Variants in RAG1 observed in about 807,000 individuals in gnomAD.
RAG1 encodes the protein recombination activating 1, also known as V(D)J recombination-activating protein 1.
RAG1 carries 35 observed loss-of-function variants against 62.7 expected under a neutral mutation model. That is an observed-to-expected ratio of 0.56 (90% CI 0.43 to 0.74). The LOEUF (loss-of-function observed/expected upper bound fraction) is 0.74, where lower values mean the gene tolerates loss of function less well. Among genes scored for constraint, RAG1 ranks in the 30% least tolerant of loss-of-function variants. The pLI is 0.00. For synonymous variants in RAG1, 461 were observed against 470.3 expected, an observed-to-expected ratio of 0.98 and a Z score of 0.26; for missense variants, 1,169 against 1,278.6, an observed-to-expected ratio of 0.91 and a Z score of 1.31.
At position 36,551,616 on chromosome 11, in the gene RAG1, T is replaced by A. The variant is rs1178218817; in HGVS notation, c.-411-11769T>A. Among the ~76,000 whole-genome samples the A allele has an allele frequency of 2.1e-5, 3 of 144,090 alleles. No individual in the cohort carries two copies. The Admixed American group carries it at 2.2e-4, about 10-fold the overall frequency. The allele number at this position is 144,090 out of a possible 152,430, so 94.5% of individuals were successfully genotyped here. A position where few individuals can be genotyped will look rare whatever the true frequency, so the allele number is the denominator to read the frequency against. The stretch of plus-strand genomic sequence containing the variant: ...TTAATTACTTCTTTTTTTTTTTTTT[T>A]TTTATTATACTCTAAGTTTTAGGGT... On this transcript the variant is annotated intron_variant and NMD_transcript_variant, in intron 3 of 9. Coordinates refer to the RAG1 transcript ENST00000534663.
At chr11:36,512,047 AG>A (rs1379049885) in intron 1 of RAG1, among the ~76,000 whole-genome samples, 1 of 152,208 alleles carries the variant, frequency 6.6e-6, no homozygotes, top group Non-Finnish European at 1.5e-5. Context: ...AGTGCCCTCA[AG>A]GGGCCTTTTC....
downstream of RAG1, among the ~76,000 whole-genome samples, chr11:36,539,607 C>T (rs1205657455): frequency 6.6e-6 from 1 of 152,176 alleles, no homozygotes; most frequent in Non-Finnish European, 1.5e-5. Context: ...GCCTCAGCCT[C>T]CAGAGTGGCT....
In RAG1 at chr11:36,573,455, G is replaced by T. The variant is rs373615697; in HGVS notation, c.151G>T (p.Asp51Tyr). 6.2e-7 allele frequency: 1 copy of T among 1,614,160 alleles called. No homozygotes were observed. The highest frequency in any genetic ancestry group is 2.2e-5 in the East Asian group (1 of 44,872). The change falls in exon 2 of 2, where the codon GAT (aspartate) becomes TAT (tyrosine). Residue 51 changes from aspartate (D) to tyrosine (Y), a missense_variant. Asp to Tyr is a radical substitution (Grantham distance 160). Around this residue, in one of 2 missense-constraint regions of RAG1, gnomAD observed 369 missense variants for 335.3 expected, o/e 1.10. Coordinates refer to ENST00000299440, the MANE Select transcript of RAG1 (RefSeq NM_000448.3). ...TPEEAQKEKKDSFEGKPSLEQ... is the reference protein window; with the variant it reads ...TPEEAQKEKKYSFEGKPSLEQ... ...TGAAGAAGCTCAAAAGGAAAAGAAG[G>T]ATTCCTTTGAGGGGAAACCCTCTCT...
In RAG1 at chr11:36,578,620, G is replaced by A. The variant is rs1850887526; in HGVS notation, c.*2184G>A. 1 of 166,850 alleles carries A rather than the reference G, an allele frequency of 6.0e-6. No homozygotes were observed. The highest frequency in any genetic ancestry group is 2.4e-5 in the African/African-American group (1 of 41,416). 10.3% of individuals were successfully genotyped at this position (166,850 alleles called of 1,614,324 possible). Reference sequence around the variant, plus strand: ...TAACACTGTAGGAACTATTTTGAATGCATGTGACTAAGAGCATGATTTATA... The same window carrying A: ...TAACACTGTAGGAACTATTTTGAATACATGTGACTAAGAGCATGATTTATA... On this transcript the variant is annotated 3_prime_UTR_variant, in exon 2 of 2. Transcript: ENST00000299440.
chr11:36,523,962 C>T (rs1265771732), intron 2 of RAG1, among the ~76,000 whole-genome samples: 1 of 152,172 alleles, frequency 6.6e-6, no homozygotes. Flanking sequence ...ACCACACCCA[C>T]TCTCTCCTCC....
chr11:36,526,877 C>T (rs1860171503), intron 2 of RAG1, among the ~76,000 whole-genome samples: 1 of 152,224 alleles, frequency 6.6e-6, no homozygotes. Context: ...GCATAGATAT[C>T]TTCTTTTGAG....
chr11:36,546,844 T>C (rs1292320948), intron 3 of RAG1, among the ~76,000 whole-genome samples: 4 of 152,098 alleles, frequency 2.6e-5, no homozygotes, highest in Admixed American at 2.6e-4. Context: ...GAAGCTTAGT[T>C]TGGCCGATTT....
intron 1 of RAG1, among the ~76,000 whole-genome samples, chr11:36,572,089 A>G (rs1850756852): frequency 6.6e-6 from 1 of 152,216 alleles, no homozygotes; most frequent in Non-Finnish European, 1.5e-5. Flanking sequence ...TGTCTCCATA[A>G]CTATGTGACT....
rs575019650 is a variant in RAG1, at chr11:36,521,528, T to C, written n.428+1299T>C. Among the ~76,000 whole-genome samples, 3 of 152,322 alleles carry C rather than the reference T, an allele frequency of 2.0e-5. No individual in the cohort carries two copies. The South Asian group carries it at 6.2e-4, about 32-fold the overall frequency. ...GAGTCCAATAAACCTCCTTCTTTTG[T>C]AAATTGCTCAGTCTTGGGTATACCT... is the stretch of plus-strand genomic sequence containing the variant. On this transcript the variant is annotated intron_variant and non_coding_transcript_variant, in intron 2 of 2. Coordinates refer to the RAG1 transcript ENST00000529126.
intron 1 of RAG1, among the ~76,000 whole-genome samples, chr11:36,570,318 T>TGG (rs1420419466): frequency 6.6e-6 from 1 of 152,250 alleles, no homozygotes; most frequent in African/African-American, 2.4e-5. Context: ...CCTTCATTAA[T>TGG]GCTGAACCAT....
chr11:36,573,874 C>T lies in RAG1; in HGVS notation c.570C>T (p.Ala190=), dbSNP rs1465859179. 6.2e-7 allele frequency: 1 copy of T among 1,614,090 alleles called. No homozygotes were observed. Among genetic ancestry groups the T allele is most frequent in the Admixed American group, 1.7e-5 (1 of 60,004 alleles). Residue 190 remains alanine, a synonymous_variant, in exon 2 of 2, where the codon GCC becomes GCT. Coordinates refer to ENST00000299440, the MANE Select transcript of RAG1 (RefSeq NM_000448.3). ...WSIMHRKFSS[A]PCEVYFPRNV... ...TCATGCACAGGAAGTTTAGCAGTGCCCCATGTGAGGTTTACTTCCCGAGGA... is the reference window on the plus strand; with the variant it reads ...TCATGCACAGGAAGTTTAGCAGTGCTCCATGTGAGGTTTACTTCCCGAGGA...
chr11:36,536,535 T>G (rs1860328744), downstream of RAG1, among the ~76,000 whole-genome samples: 1 of 152,148 alleles, frequency 6.6e-6, no homozygotes, highest in African/African-American at 2.4e-5. Flanking sequence ...TCTTGATTTG[T>G]GTGGTAGTTC....
At chr11:36,571,543 A>G (rs1314709364) in intron 1 of RAG1, among the ~76,000 whole-genome samples, 1 of 152,234 alleles carries the variant, frequency 6.6e-6, no homozygotes, top group Non-Finnish European at 1.5e-5. Flanking sequence ...ATAGTCCTGC[A>G]TAGGGAACAA....
intron 3 of RAG1, among the ~76,000 whole-genome samples, chr11:36,546,711 G>A (rs907959542): frequency 6.6e-6 from 1 of 152,156 alleles, no homozygotes; most frequent in African/African-American, 2.4e-5. Context: ...GCAGTGGCTG[G>A]TACTGGTTTT....
intron 3 of RAG1, among the ~76,000 whole-genome samples, chr11:36,559,923 C>T (rs1480154792): frequency 1.3e-5 from 2 of 152,132 alleles, no homozygotes; most frequent in African/African-American, 4.8e-5. Context: ...TTATGTTTCC[C>T]TGCTTTTTCA....
chr11:36,568,556 AG>A (rs1277882210), intron 1 of RAG1, among the ~76,000 whole-genome samples: 2 of 152,210 alleles, frequency 1.3e-5, no homozygotes, highest in African/African-American at 4.8e-5. Context: ...GATTGGCCTA[AG>A]TAGGAGACCA....
chr11:36,533,405 T>C (rs1326762336), intron 2 of RAG1, among the ~76,000 whole-genome samples: 1 of 152,196 alleles, frequency 6.6e-6, no homozygotes, highest in African/African-American at 2.4e-5. Flanking sequence ...GTGCCTGTGT[T>C]CTGTCGAATT....
intron 1 of RAG1, among the ~76,000 whole-genome samples, chr11:36,514,125 A>G (rs1859963910): frequency 6.6e-6 from 1 of 152,216 alleles, no homozygotes; most frequent in Non-Finnish European, 1.5e-5. Flanking sequence ...CCCTCTTGCC[A>G]ATAGCCAGAC....
chr11:36,543,839 C>A (rs937344890), intron 3 of RAG1, among the ~76,000 whole-genome samples: 5 of 152,114 alleles, frequency 3.3e-5, no homozygotes, highest in African/African-American at 1.2e-4. Flanking sequence ...GATTTGTGGA[C>A]AAGTTTTTAT....
Sources: allele counts gnomAD v4.1 joint callset (sites outside exome capture counted in the v4.1 genomes callset), GRCh38; gene constraint gnomAD v4.1.1; regional missense constraint gnomAD v4.1.1; transcripts MANE v1.5; gene names NCBI Gene and HGNC (gene_info 2026-07-23, HGNC 2026-07-21).